Variants in TPTE2 observed in about 807,000 individuals in gnomAD.
The protein encoded by TPTE2 is transmembrane phosphoinositide 3-phosphatase and tensin homolog 2.
TPTE2 carries 53 observed loss-of-function variants against 78.6 expected under a neutral mutation model. The observed-to-expected ratio is 0.67, with a 90% CI of 0.54 to 0.85. TPTE2 has a LOEUF of 0.85. TPTE2 is among the 40% of genes least tolerant of loss of function. TPTE2 has a pLI of 0.00. For missense variants in TPTE2, 461 were observed against 623.0 expected, an observed-to-expected ratio of 0.74 and a Z score of 2.77; for synonymous variants, 175 against 206.2, an observed-to-expected ratio of 0.85 and a Z score of 1.30.
At chr13:19,474,487 A>G (rs920528822) in intron 5 of TPTE2, among the ~76,000 whole-genome samples, 6 of 152,336 alleles carry the variant, frequency 3.9e-5, no homozygotes, top group African/African-American at 1.4e-4. Context: ...ATTAATCTGG[A>G]TAATTCTAAA....
At chr13:19,523,015 T>C (rs1870265781) in intron 1 of TPTE2, among the ~76,000 whole-genome samples, 2 of 152,288 alleles carry the variant, frequency 1.3e-5, no homozygotes, top group South Asian at 4.1e-4. Flanking sequence ...TCTGATTGTC[T>C]TCAACAAATA....
At chr13:19,560,931 T>A in the TPTE2 span, 1 of 1,596,662 alleles carries the variant, frequency 6.3e-7, no homozygotes, top group South Asian at 1.1e-5. Flanking sequence ...TACTCCATAC[T>A]CCCCTGGATG....
At chr13:19,446,929 C>A (rs572339033) in intron 13 of TPTE2, among the ~76,000 whole-genome samples, 1 of 151,938 alleles carries the variant, frequency 6.6e-6, no homozygotes, top group Non-Finnish European at 1.5e-5. Flanking sequence ...AGTGACAGAG[C>A]GAGATCATGT....
intron 5 of TPTE2, among the ~76,000 whole-genome samples, chr13:19,475,219 T>C (rs1879861394): frequency 6.6e-6 from 1 of 152,204 alleles, no homozygotes; most frequent in Non-Finnish European, 1.5e-5. Flanking sequence ...ATGAGACTCA[T>C]ATATTTTTTT....
At chr13:19,559,616 T>A in the TPTE2 span, among the ~76,000 whole-genome samples, 1 of 151,606 alleles carries the variant, frequency 6.6e-6, no homozygotes, top group Non-Finnish European at 1.5e-5. Context: ...AGTCCCACTC[T>A]GCTCTGAAGA....
intron 6 of TPTE2, among the ~76,000 whole-genome samples, chr13:19,468,478 G>A (rs891891097): frequency 4.6e-5 from 7 of 152,146 alleles, no homozygotes; most frequent in African/African-American, 1.7e-4. Flanking sequence ...CAACAAACAG[G>A]GAATGCAGAT....
chr13:19,534,082 CT>C (rs1871055415), intron 1 of TPTE2, among the ~76,000 whole-genome samples: 1 of 152,166 alleles, frequency 6.6e-6, no homozygotes, highest in Non-Finnish European at 1.5e-5. Context: ...AGTCAAGTGC[CT>C]TTAATACACC....
the TPTE2 span, among the ~76,000 whole-genome samples, chr13:19,546,847 G>A: frequency 7.2e-5 from 11 of 151,994 alleles, no homozygotes; most frequent in African/African-American, 2.7e-4. Flanking sequence ...CAATGGAGAG[G>A]TTGTAAGATA....
chr13:19,485,354 TC>T (rs1279119290), intron 3 of TPTE2, among the ~76,000 whole-genome samples: 3 of 152,126 alleles, frequency 2.0e-5, no homozygotes, highest in African/African-American at 7.2e-5. Flanking sequence ...GTTTTTTTTT[TC>T]TTTCAGAACT....
At chr13:19,469,469 C>A (rs1236943969) in intron 6 of TPTE2, among the ~76,000 whole-genome samples, 3 of 152,114 alleles carry the variant, frequency 2.0e-5, no homozygotes, top group Non-Finnish European at 2.9e-5. Context: ...ATTCCTCCAG[C>A]TTTGTTCTTT....
At chr13:19,505,598 G>A (rs867964399), upstream of TPTE2, 2 of 152,094 alleles carry the variant, frequency 1.3e-5, no homozygotes, top group Non-Finnish European at 2.9e-5. Context: ...CTGTAGCCCT[G>A]AGTCAGAACT....
chr13:19,553,089 C>T, the TPTE2 span, among the ~76,000 whole-genome samples: 98 of 150,734 alleles, frequency 6.5e-4, no homozygotes, highest in Admixed American at 1.0e-3. Flanking sequence ...CACTAATGTA[C>T]TACTGTTAAC....
chr13:19,492,179 T>C (rs1317397354), intron 3 of TPTE2, among the ~76,000 whole-genome samples: 1 of 152,174 alleles, frequency 6.6e-6, no homozygotes, highest in Non-Finnish European at 1.5e-5. Context: ...ATCTCCTTCC[T>C]TTCACTGATC....
chr13:19,453,278 C>G (rs1389431205), intron 10 of TPTE2, among the ~76,000 whole-genome samples: 3 of 151,860 alleles, frequency 2.0e-5, no homozygotes, highest in Non-Finnish European at 4.4e-5. Context: ...ATCCACCCTC[C>G]TCGGCCTCCC....
chr13:19,480,961 T>C (rs1248748643), intron 4 of TPTE2, among the ~76,000 whole-genome samples: 1 of 152,016 alleles, frequency 6.6e-6, no homozygotes, highest in Non-Finnish European at 1.5e-5. Flanking sequence ...GACTATTAAA[T>C]GAATTATAGC....
intron 13 of TPTE2, among the ~76,000 whole-genome samples, chr13:19,447,257 C>T (rs1189451483): frequency 6.6e-6 from 1 of 151,984 alleles, no homozygotes; most frequent in Non-Finnish European, 1.5e-5. Flanking sequence ...TATGTGAATA[C>T]AGAATAATGT....
chr13:19,533,282 T>C (rs1363515577), intron 1 of TPTE2, among the ~76,000 whole-genome samples: 2 of 152,172 alleles, frequency 1.3e-5, no homozygotes, highest in African/African-American at 4.8e-5. Flanking sequence ...TAGGACTAAA[T>C]ACAGAGAAAT....
At chr13:19,446,037 T>G (rs560405764) in intron 13 of TPTE2, among the ~76,000 whole-genome samples, 3 of 152,168 alleles carry the variant, frequency 2.0e-5, no homozygotes, top group Non-Finnish European at 4.4e-5. Context: ...TCACAATTTG[T>G]GTAGGAATGA....
the TPTE2 span, among the ~76,000 whole-genome samples, chr13:19,547,720 C>CATACATACATATATATAT: frequency 2.5e-5 from 3 of 118,846 alleles, no homozygotes; most frequent in African/African-American, 8.2e-5. Flanking sequence ...AATAAATATA[C>CATACATACATATATATAT]ATATATATAT....
Sources: gnomAD v4.1 joint callset for allele counts (sites outside exome capture counted in the v4.1 genomes callset) on GRCh38, gnomAD v4.1.1 for gene constraint, MANE v1.5 for transcripts, NCBI Gene and HGNC (gene_info 2026-07-23, HGNC 2026-07-21) for gene names.